Variants in TMEM164 observed in about 807,000 individuals in gnomAD.
The protein encoded by TMEM164 is RP13-360B22.2.
In TMEM164, 4 loss-of-function variants were observed where a neutral mutation model predicts 18.8. The observed-to-expected ratio is 0.21, with a 90% CI of 0.10 to 0.49. The LOEUF (loss-of-function observed/expected upper bound fraction) is 0.49. Ranked by LOEUF, TMEM164 falls within the 20% of genes least tolerant of loss-of-function variation. The pLI is 0.98. For missense variants in TMEM164, 108 were observed against 239.9 expected (o/e 0.45, Z 3.63); for synonymous variants, 86 against 101.7 (o/e 0.85, Z 0.93).
At chrX:110,127,727 C>A (rs2066555196) in intron 4 of TMEM164, among the ~76,000 whole-genome samples, 1 of 111,861 alleles carries the variant, frequency 8.9e-6, no homozygotes, top group African/African-American at 3.3e-5. Flanking sequence ...TCCCCACACT[C>A]TAGCCAGAAT....
chrX:110,114,714 G>C (rs1234826114), intron 4 of TMEM164, among the ~76,000 whole-genome samples: 1 of 111,594 alleles, frequency 9.0e-6, no homozygotes, highest in Non-Finnish European at 1.9e-5. Flanking sequence ...AGAAAAGAAA[G>C]TGAAGATACT....
At chrX:110,134,508 C>G (rs1033135150) in intron 4 of TMEM164, among the ~76,000 whole-genome samples, 3 of 95,910 alleles carry the variant, frequency 3.1e-5, no homozygotes, top group African/African-American at 1.2e-4. Flanking sequence ...TGCAGTAAGC[C>G]TAGATCACAC....
At chrX:110,014,886 G>C (rs1450544375) in intron 2 of TMEM164, among the ~76,000 whole-genome samples, 1 of 109,616 alleles carries the variant, frequency 9.1e-6, no homozygotes, top group Non-Finnish European at 1.9e-5. Flanking sequence ...TGGGTGAAAG[G>C]CAGGTTCAAG....
rs931210850 is a variant in TMEM164 at position 110,175,206 on chromosome X, C to T, written c.*1755C>T. On this transcript the variant is annotated 3_prime_UTR_variant, in exon 7 of 7. Coordinates refer to ENST00000372068, the MANE Select transcript of TMEM164 (RefSeq NM_032227.4). ...AGGGTGGCCCTCCAGGGAAGGTGCTCCTTGAATGGCTGGATTGGCCCTGCC... is the reference window on the plus strand; with the variant it reads ...AGGGTGGCCCTCCAGGGAAGGTGCTTCTTGAATGGCTGGATTGGCCCTGCC... 1 of 113,005 alleles carries T rather than the reference C, an allele frequency of 8.8e-6. No individual in the cohort carries two copies. Among genetic ancestry groups the T allele is most frequent in the East Asian group, 2.8e-4 (1 of 3,587 alleles). The allele number at this position is 113,005 out of a possible 1,213,427, so 9.3% of individuals were successfully genotyped here.
chrX:110,157,980 G>A (rs967735497), intron 5 of TMEM164, among the ~76,000 whole-genome samples: 80 of 111,454 alleles, frequency 7.2e-4, no homozygotes, highest in Non-Finnish European at 4.5e-4. Flanking sequence ...TCGACCTCCC[G>A]GGTTTAAGCG....
At chrX:110,113,483 A>G (rs1441770579) in intron 4 of TMEM164, among the ~76,000 whole-genome samples, 1 of 112,408 alleles carries the variant, frequency 8.9e-6, no homozygotes, top group African/African-American at 3.2e-5. Flanking sequence ...GTTGTAAGCC[A>G]GCTTTTGACT....
At chrX:110,077,598 T>G (rs2065691405) in intron 3 of TMEM164, among the ~76,000 whole-genome samples, 1 of 112,184 alleles carries the variant, frequency 8.9e-6, no homozygotes. Flanking sequence ...GATATTATTC[T>G]TTTGTTCCCA....
At chrX:110,053,996 G>T (rs1221450679) in intron 2 of TMEM164, among the ~76,000 whole-genome samples, 1 of 111,689 alleles carries the variant, frequency 9.0e-6, no homozygotes. Context: ...TGGAGTGGAG[G>T]CAGAGGGAAC....
chrX:110,034,706 C>T (rs1395728183), intron 2 of TMEM164, among the ~76,000 whole-genome samples: 1 of 108,093 alleles, frequency 9.3e-6, no homozygotes, highest in Non-Finnish European at 1.9e-5. Flanking sequence ...TTGACCCAGC[C>T]ATCCCATTAC....
At chrX:110,052,836 C>T (rs771424776) in intron 2 of TMEM164, among the ~76,000 whole-genome samples, 8 of 105,098 alleles carry the variant, frequency 7.6e-5, no homozygotes, top group Admixed American at 2.1e-4. Context: ...CTGCACCTTC[C>T]GCCTTCCAGG....
intron 5 of TMEM164, among the ~76,000 whole-genome samples, chrX:110,156,591 T>C (rs1296718015): frequency 9.0e-6 from 1 of 111,298 alleles, no homozygotes; most frequent in East Asian, 2.8e-4. Context: ...TGTCTTAGTC[T>C]TTTTGGCCTG....
At chrX:110,022,150 T>A (rs1357788847) in intron 2 of TMEM164, among the ~76,000 whole-genome samples, 1 of 111,779 alleles carries the variant, frequency 8.9e-6, no homozygotes, top group African/African-American at 3.3e-5. Context: ...GAATCAATAG[T>A]TGAGAAGACT....
intron 5 of TMEM164, among the ~76,000 whole-genome samples, chrX:110,145,160 G>A (rs1332141309): frequency 9.0e-6 from 1 of 111,203 alleles, no homozygotes; most frequent in Admixed American, 9.5e-5. Flanking sequence ...GTGGCATTGT[G>A]TTTGCATGGA....
At chrX:110,114,525 A>G (rs887397558) in intron 4 of TMEM164, among the ~76,000 whole-genome samples, 1 of 111,800 alleles carries the variant, frequency 8.9e-6, no homozygotes, top group African/African-American at 3.3e-5. Context: ...TAGGGTGTCC[A>G]TGGAACCTGG....
Position 110,173,426 on chromosome X carries a change from G to A in TMEM164, c.869G>A (p.Arg290Gln), listed in dbSNP as rs769642174. 116 of 1,207,120 alleles carry A rather than the reference G, an allele frequency of 9.6e-5. No homozygotes were observed. The highest frequency in any genetic ancestry group is 1.3e-4 in the Non-Finnish European group (115 of 894,487). ...TGTAAATATCTGCTGGATTTGCTCC[G>A]GCTTCCAGCCAAGAAAATAGACTGA... Reference protein sequence around the residue: ...PLCKYLLDLLRLPAKKID With the variant: ...PLCKYLLDLLQLPAKKID The change falls in exon 7 of 7, where the codon CGG (arginine) becomes CAG (glutamine). Residue 290 changes from arginine (R) to glutamine (Q), a missense_variant. Physicochemically the swap from Arg to Gln is conservative, Grantham distance 43. Transcript: ENST00000372068.
At chrX:110,052,701 G>T (rs1935612419) in intron 2 of TMEM164, among the ~76,000 whole-genome samples, 1 of 109,010 alleles carries the variant, frequency 9.2e-6, no homozygotes, top group Non-Finnish European at 1.9e-5. Flanking sequence ...ATGAGAAATG[G>T]TGATATGTGT....
intron 4 of TMEM164, among the ~76,000 whole-genome samples, chrX:110,131,884 G>A (rs924351774): frequency 8.9e-6 from 1 of 112,089 alleles, no homozygotes; most frequent in Admixed American, 9.4e-5. Context: ...GTTTGAAGAA[G>A]TGATAAATAA....
At chrX:110,167,420 T>A (rs2067171929) in intron 5 of TMEM164, among the ~76,000 whole-genome samples, 1 of 112,158 alleles carries the variant, frequency 8.9e-6, no homozygotes, top group South Asian at 3.7e-4. Flanking sequence ...TGGTGTTTTG[T>A]CTTTTGTCCT....
At chrX:110,100,212 A>G (rs2066088219) in intron 3 of TMEM164, among the ~76,000 whole-genome samples, 1 of 110,482 alleles carries the variant, frequency 9.1e-6, no homozygotes, top group Non-Finnish European at 1.9e-5. Context: ...TGCCAGTCTA[A>G]TAGTAGTGGT....
Sources: allele counts gnomAD v4.1 joint callset (sites outside exome capture counted in the v4.1 genomes callset), GRCh38; gene constraint gnomAD v4.1.1; transcripts MANE v1.5; gene names NCBI Gene and HGNC (gene_info 2026-07-23, HGNC 2026-07-21).